Variants in MTPN observed in about 807,000 individuals in gnomAD.
MTPN encodes the protein granule cell differentiation protein.
In MTPN, 2 loss-of-function variants were observed where a neutral mutation model predicts 13.5. The observed-to-expected ratio is 0.15, with a 90% CI of 0.06 to 0.47. The LOEUF (loss-of-function observed/expected upper bound fraction) is 0.47, where lower values mean the gene tolerates loss of function less well. Ranked by LOEUF, MTPN falls within the 20% of genes least tolerant of loss-of-function variation. MTPN has a pLI of 0.97. For synonymous variants in MTPN, 46 were observed against 51.7 expected, an observed-to-expected ratio of 0.89 and a Z score of 0.48; for missense variants, 79 against 137.9, an observed-to-expected ratio of 0.57 and a Z score of 2.14.
chr7:135,966,687 A>G (rs1799612436), intron 1 of MTPN, among the ~76,000 whole-genome samples: 1 of 152,142 alleles, frequency 6.6e-6, no homozygotes, highest in Non-Finnish European at 1.5e-5. Context: ...CTGCCACTAC[A>G]TCTTTTATTA....
intron 2 of MTPN, 56 bp from the exon 3 acceptor site, chr7:135,950,738 T>C (rs1167562918): frequency 1.3e-5 from 17 of 1,315,284 alleles, no homozygotes; most frequent in Non-Finnish European, 1.7e-5. Flanking sequence ...TCCTACTTTC[T>C]AGTTTTAACT....
intron 1 of MTPN, among the ~76,000 whole-genome samples, chr7:135,967,932 T>C (rs1482771684): frequency 6.6e-6 from 1 of 152,150 alleles, no homozygotes; most frequent in African/African-American, 2.4e-5. Flanking sequence ...GCGTCTATTG[T>C]ACTATGTTTA....
At position 135,941,107 on chromosome 7, in the gene MTPN, T is replaced by C. The variant is rs183828803; in HGVS notation, c.270+9492A>G. 2.3e-3 allele frequency among the ~76,000 whole-genome samples: 345 copies of C among 152,314 alleles called. 2 individuals carry two copies. The highest frequency in any genetic ancestry group is 7.6e-3 in the African/African-American group (315 of 41,552). On this transcript the variant is annotated intron_variant, in intron 3 of 3. Coordinates refer to ENST00000393085, the MANE Select transcript of MTPN (RefSeq NM_145808.4). ...AAAATGTTTACTACCTGGCCCTTAA[T>C]AGAAAATGTTTGTTGCCCACTGTTC...
intron 1 of MTPN, among the ~76,000 whole-genome samples, chr7:135,973,565 C>T (rs1037860740): frequency 1.3e-5 from 2 of 152,000 alleles, no homozygotes; most frequent in African/African-American, 2.4e-5. Context: ...AGAATTAACT[C>T]CAACAGGAGA....
intron 1 of MTPN, among the ~76,000 whole-genome samples, chr7:135,965,707 T>G (rs577356652): frequency 1.3e-5 from 2 of 152,236 alleles, no homozygotes; most frequent in South Asian, 2.1e-4. Flanking sequence ...ACAACTGTTG[T>G]CACTACAAAC....
At chr7:135,968,375 A>G (rs1318750302) in intron 1 of MTPN, among the ~76,000 whole-genome samples, 2 of 151,706 alleles carry the variant, frequency 1.3e-5, no homozygotes, top group Admixed American at 1.3e-4. Flanking sequence ...AGCTTCTTAC[A>G]TTTTGGTTTC....
intron 2 of MTPN, 85 bp downstream of exon 2, chr7:135,951,432 T>C (rs563127596): frequency 2.3e-5 from 15 of 664,370 alleles, no homozygotes; most frequent in African/African-American, 3.7e-5. Context: ...TTTCTACAAA[T>C]AGCTATTTTA....
rs1313500337 is a variant in MTPN at position 135,927,069 on chromosome 7, GCTT to G, written c.*2854_*2856del. ...TTTATGTAGGAGGGCACTCTCACCAGCTTCTTCTATACACAATTGAGTATACAA... is the reference window on the plus strand; with the variant it reads ...TTTATGTAGGAGGGCACTCTCACCAGCTTCTATACACAATTGAGTATACAA... On this transcript the variant is annotated 3_prime_UTR_variant, in exon 4 of 4. Coordinates refer to ENST00000393085, the MANE Select transcript of MTPN (RefSeq NM_145808.4). 2.1e-4 allele frequency: 77 copies of G among 359,240 alleles called. No homozygotes were observed. The highest frequency in any genetic ancestry group is 1.4e-3 in the African/African-American group (67 of 47,720). 22.3% of individuals were successfully genotyped at this position (359,240 alleles called of 1,614,324 possible). A position where few individuals can be genotyped will look rare whatever the true frequency, so the allele number is the denominator to read the frequency against.
At chr7:135,948,052 A>G (rs1799311137) in intron 3 of MTPN, among the ~76,000 whole-genome samples, 1 of 152,238 alleles carries the variant, frequency 6.6e-6, no homozygotes, top group Non-Finnish European at 1.5e-5. Flanking sequence ...TTTCAAGTGA[A>G]TTCATAATAA....
At chr7:135,939,827 A>G (rs546525013) in intron 3 of MTPN, among the ~76,000 whole-genome samples, 7 of 152,298 alleles carry the variant, frequency 4.6e-5, no homozygotes, top group African/African-American at 1.2e-4. Context: ...GGGTCCTGTT[A>G]TATTTGTCCC....
chr7:135,969,892 T>G (rs1042880755), intron 1 of MTPN, among the ~76,000 whole-genome samples: 3 of 152,208 alleles, frequency 2.0e-5, no homozygotes, highest in African/African-American at 7.2e-5. Flanking sequence ...ACAATCATTT[T>G]TCACCTATCC....
chr7:135,974,587 C>T (rs187024936), intron 1 of MTPN, among the ~76,000 whole-genome samples: 27 of 152,276 alleles, frequency 1.8e-4, no homozygotes, highest in African/African-American at 6.5e-4. Context: ...TTATCTTACT[C>T]TTACAGGTAG....
Position 135,970,474 on chromosome 7 carries a change from T to C in MTPN, c.72+6555A>G, listed in dbSNP as rs556159148. Among the ~76,000 whole-genome samples, 7 of 152,334 alleles carry C rather than the reference T, an allele frequency of 4.6e-5. No individual in the cohort carries two copies. In the South Asian group the frequency reaches 1.4e-3, roughly 32 times the overall value. The stretch of plus-strand genomic sequence containing the variant: ...TTTTTGTCTTCTTTATTCTTTTCTG[T>C]TTTAAAAACACCTAATCAATTTTAT... On this transcript the variant is annotated intron_variant, in intron 1 of 3. Coordinates refer to ENST00000393085, the MANE Select transcript of MTPN (RefSeq NM_145808.4).
chr7:135,948,915 T>G lies in MTPN; in HGVS notation c.270+1684A>C, dbSNP rs527717332. Among the ~76,000 whole-genome samples, 154 of 151,050 alleles carry G rather than the reference T, an allele frequency of 1.0e-3. No homozygotes were observed. In the Middle Eastern group the frequency reaches 0.024, roughly 23 times the overall value. On this transcript the variant is annotated intron_variant, in intron 3 of 3. Coordinates refer to ENST00000393085, the MANE Select transcript of MTPN (RefSeq NM_145808.4). ...TCAGAGAACAAAACCCTTGGCTGGG[T>G]AAAAAAAAGGTCAGGGAAAAGGCGG...
chr7:135,946,632 T>C (rs1055228450), intron 3 of MTPN, among the ~76,000 whole-genome samples: 3 of 152,244 alleles, frequency 2.0e-5, no homozygotes, highest in South Asian at 2.1e-4. Flanking sequence ...AGGAAAAAGT[T>C]TGCCAACTTT....
Position 135,972,204 on chromosome 7 carries a change from TAC to T in MTPN, c.72+4823_72+4824del, listed in dbSNP as rs1562937953. ...TAAAGCAAACTGATATGGTTATAAA[TAC>T]ACACGCGCACACGCGCACGCGCGCG... On this transcript the variant is annotated intron_variant, in intron 1 of 3. Coordinates refer to ENST00000393085, the MANE Select transcript of MTPN (RefSeq NM_145808.4). 9.3e-5 allele frequency among the ~76,000 whole-genome samples: 12 copies of T among 129,228 alleles called. No individual in the cohort carries two copies. In the South Asian group the frequency reaches 2.4e-3, roughly 26 times the overall value. The allele number at this position is 129,228 out of a possible 152,430, so 84.8% of individuals were successfully genotyped here. A position where few individuals can be genotyped will look rare whatever the true frequency, so the allele number is the denominator to read the frequency against.
intron 2 of MTPN, among the ~76,000 whole-genome samples, 182 bp from the exon 3 acceptor site, chr7:135,950,864 A>G (rs1327995771): frequency 6.6e-6 from 1 of 152,122 alleles, no homozygotes; most frequent in African/African-American, 2.4e-5. Flanking sequence ...CCCACGAGCA[A>G]TGTCTTTCCT....
At chr7:135,971,760 GTTAC>G (rs1388955948) in intron 1 of MTPN, among the ~76,000 whole-genome samples, 2 of 152,084 alleles carry the variant, frequency 1.3e-5, no homozygotes, top group Non-Finnish European at 2.9e-5. Context: ...TTTTCAAAAT[GTTAC>G]TTGTTTTATT....
intron 3 of MTPN, among the ~76,000 whole-genome samples, chr7:135,942,586 TA>T (rs766618783): frequency 2.8e-4 from 43 of 152,270 alleles, no homozygotes; most frequent in East Asian, 2.1e-3. Context: ...TAAAATGGAT[TA>T]AAAAAATATT....
Sources: gnomAD v4.1 joint callset for allele counts (sites outside exome capture counted in the v4.1 genomes callset) on GRCh38, gnomAD v4.1.1 for gene constraint, MANE v1.5 for transcripts, NCBI Gene and HGNC (gene_info 2026-07-23, HGNC 2026-07-21) for gene names.